CHCHD6: variants seen among roughly 807,000 people sequenced by gnomAD.
CHCHD6 encodes the protein MICOS complex subunit MIC25.
Under a neutral mutation model 32.3 loss-of-function variants are expected in CHCHD6, and 28 were observed. The ratio of observed to expected loss-of-function variants is 0.87; its 90% CI spans 0.64 to 1.19. The LOEUF is 1.19. CHCHD6 is among the 50% of genes most tolerant of loss of function. CHCHD6 has a pLI of 0.00. For synonymous variants in CHCHD6, 122 were observed against 117.5 expected (o/e 1.04, Z -0.25); for missense variants, 333 against 307.0 (o/e 1.08, Z -0.63).
At position 126,764,200 on chromosome 3, in the gene CHCHD6, C is replaced by CATATATATATATAT. The variant is rs143293559; in HGVS notation, c.411+30990_411+31003dup. 4.6e-4 allele frequency among the ~76,000 whole-genome samples: 64 copies of CATATATATATATAT among 139,796 alleles called. No individual in the cohort carries two copies. The South Asian group carries it at 5.4e-3, about 12-fold the overall frequency. 91.7% of individuals were successfully genotyped at this position (139,796 alleles called of 152,430 possible). A position where few individuals can be genotyped will look rare whatever the true frequency, so the allele number is the denominator to read the frequency against. ...ATACACATACATACATACATACATG[C>CATATATATATATAT]ATATATATATATATATATATATATA... On this transcript the variant is annotated intron_variant, in intron 4 of 7. Transcript: ENST00000290913.
At chr3:126,714,254 A>G (rs1040578505) in intron 1 of CHCHD6, among the ~76,000 whole-genome samples, 1 of 152,016 alleles carries the variant, frequency 6.6e-6, no homozygotes, top group African/African-American at 2.4e-5. Context: ...ACACCATGGT[A>G]TCCTTGCATG....
chr3:126,922,406 A>G (rs993640052), intron 6 of CHCHD6, among the ~76,000 whole-genome samples: 1 of 152,206 alleles, frequency 6.6e-6, no homozygotes, highest in Non-Finnish European at 1.5e-5. Flanking sequence ...AACCAGATAA[A>G]TGTGATAATC....
intron 4 of CHCHD6, among the ~76,000 whole-genome samples, chr3:126,820,231 G>A (rs761815634): frequency 3.3e-4 from 51 of 152,264 alleles, no homozygotes; most frequent in African/African-American, 1.0e-3. Flanking sequence ...TTTTATTGAG[G>A]TATAACAGTA....
intron 4 of CHCHD6, among the ~76,000 whole-genome samples, chr3:126,851,773 A>G (rs947268925): frequency 2.6e-5 from 4 of 152,232 alleles, no homozygotes; most frequent in African/African-American, 7.2e-5. Flanking sequence ...ATGGAGGTCT[A>G]TTGAGACCTT....
intron 5 of CHCHD6, among the ~76,000 whole-genome samples, chr3:126,895,790 A>T (rs1271771518): frequency 6.6e-6 from 1 of 152,062 alleles, no homozygotes; most frequent in Non-Finnish European, 1.5e-5. Context: ...CTGCCATGTG[A>T]CTTAGGTTGG....
Position 126,960,289 on chromosome 3 carries a change from T to C in CHCHD6, c.*88T>C. On this transcript the variant is annotated 3_prime_UTR_variant, in exon 8 of 8. Coordinates refer to ENST00000290913, the MANE Select transcript of CHCHD6 (RefSeq NM_032343.3). The stretch of plus-strand genomic sequence containing the variant: ...GGACCACAGCCACTGTGCCCTGCCG[T>C]TTCCTGCTGGGCCCCTGCATATGCC... The C allele has an allele frequency of 6.7e-7, 1 of 1,486,908 alleles. No individual in the cohort carries two copies. Among genetic ancestry groups the C allele is most frequent in the South Asian group, 1.2e-5 (1 of 82,840 alleles). 92.1% of individuals were successfully genotyped at this position (1,486,908 alleles called of 1,614,324 possible). A position where few individuals can be genotyped will look rare whatever the true frequency, so the allele number is the denominator to read the frequency against.
At chr3:126,752,032 G>A (rs1055366596) in intron 4 of CHCHD6, among the ~76,000 whole-genome samples, 6 of 152,180 alleles carry the variant, frequency 3.9e-5, no homozygotes, top group African/African-American at 1.2e-4. Context: ...AGAGTCTTAG[G>A]ATGAGGCCAG....
At chr3:126,927,539 ACT>A (rs1319532659) in intron 6 of CHCHD6, among the ~76,000 whole-genome samples, 1 of 152,144 alleles carries the variant, frequency 6.6e-6, no homozygotes, top group African/African-American at 2.4e-5. Context: ...GAGATCCATG[ACT>A]CAAAAAACTG....
At chr3:126,959,806 C>T (rs2078834090) in intron 7 of CHCHD6, among the ~76,000 whole-genome samples, 1 of 152,212 alleles carries the variant, frequency 6.6e-6, no homozygotes, top group Non-Finnish European at 1.5e-5. Flanking sequence ...TGTGAAAAAT[C>T]AGAGAACAGA....
rs1278075551 is a variant in CHCHD6 at position 126,720,351 on chromosome 3, C to G, written c.88-6727C>G. Among the ~76,000 whole-genome samples, 10 of 152,340 alleles carry G rather than the reference C, an allele frequency of 6.6e-5. No individual in the cohort carries two copies. The East Asian group carries it at 1.7e-3, about 26-fold the overall frequency. On this transcript the variant is annotated intron_variant, in intron 1 of 7. Transcript: ENST00000290913. The stretch of plus-strand genomic sequence containing the variant: ...CAGGACCCCTGAGGTTCATTCCTCA[C>G]TGCTGACCTCCCTCAGGACACCCAA...
intron 4 of CHCHD6, among the ~76,000 whole-genome samples, chr3:126,834,032 C>T (rs1168395271): frequency 1.7e-5 from 2 of 115,566 alleles, no homozygotes; most frequent in Admixed American, 2.6e-4. Context: ...CCAGACTGGG[C>T]GACAGAGCGA....
chr3:126,938,091 T>A (rs1450507750), intron 6 of CHCHD6, among the ~76,000 whole-genome samples: 8 of 152,216 alleles, frequency 5.3e-5, no homozygotes, highest in Non-Finnish European at 1.5e-5. Context: ...GCTCTTCTTA[T>A]CCAGGTCACC....
chr3:126,908,492 ATCT>A (rs2078037674), intron 5 of CHCHD6, among the ~76,000 whole-genome samples: 1 of 152,226 alleles, frequency 6.6e-6, no homozygotes, highest in African/African-American at 2.4e-5. Flanking sequence ...AAGTGGGATC[ATCT>A]TGTCGGATTT....
At chr3:126,890,977 G>T (rs528368698) in intron 5 of CHCHD6, among the ~76,000 whole-genome samples, 1 of 152,170 alleles carries the variant, frequency 6.6e-6, no homozygotes, top group African/African-American at 2.4e-5. Context: ...TTTAGGAAGC[G>T]CCCAGTGGGA....
intron 4 of CHCHD6, chr3:126,780,450 T>A: frequency 3.0e-6 from 1 of 334,354 alleles, no homozygotes; most frequent in Non-Finnish European, 5.9e-6. Context: ...GTTATTGATT[T>A]CTTCTGTGTT....
intron 4 of CHCHD6, among the ~76,000 whole-genome samples, chr3:126,835,178 C>T (rs1940804748): frequency 1.3e-5 from 2 of 152,146 alleles, no homozygotes; most frequent in African/African-American, 4.8e-5. Context: ...CAGTGAGCCC[C>T]ACCCTAGCTG....
chr3:126,840,211 G>A (rs766473003), intron 4 of CHCHD6, among the ~76,000 whole-genome samples: 1 of 152,118 alleles, frequency 6.6e-6, no homozygotes, highest in Non-Finnish European at 1.5e-5. Flanking sequence ...TCTGTTAGTT[G>A]ATGGACATTT....
chr3:126,914,371 C>T (rs576916257), intron 5 of CHCHD6, among the ~76,000 whole-genome samples: 22 of 152,292 alleles, frequency 1.4e-4, no homozygotes, highest in Non-Finnish European at 2.9e-4. Flanking sequence ...AACTAATGAG[C>T]GTGGCTGTGT....
chr3:126,889,812 C>A (rs1255201374), intron 5 of CHCHD6, among the ~76,000 whole-genome samples: 1 of 152,206 alleles, frequency 6.6e-6, no homozygotes, highest in African/African-American at 2.4e-5. Context: ...CCACAGCAAC[C>A]CCAGCAGATG....
Sources: gnomAD v4.1 joint callset for allele counts (sites outside exome capture counted in the v4.1 genomes callset) on GRCh38, gnomAD v4.1.1 for gene constraint, MANE v1.5 for transcripts, NCBI Gene and HGNC (gene_info 2026-07-23, HGNC 2026-07-21) for gene names.